Variants in C3orf18 observed in about 807,000 individuals in gnomAD.
The protein encoded by C3orf18 is chromosome 3 open reading frame 18.
Under a neutral mutation model 14.1 loss-of-function variants are expected in C3orf18, and 12 were observed. The observed-to-expected ratio is 0.85, with a 90% CI of 0.55 to 1.38. C3orf18 has a LOEUF of 1.38. Among genes scored for constraint, C3orf18 ranks in the 40% most tolerant of loss-of-function variants. C3orf18 has a pLI of 0.00. For synonymous variants in C3orf18, 82 were observed against 87.9 expected (o/e 0.93, Z 0.38); for missense variants, 196 against 213.9 (o/e 0.92, Z 0.52).
upstream of C3orf18, chr3:50,569,922 C>T (rs1344129777): frequency 6.6e-6 from 1 of 152,132 alleles, no homozygotes; most frequent in Non-Finnish European, 1.5e-5. Flanking sequence ...GCAACTTCCG[C>T]CTGCTTGAAC....
rs1041165956 is a variant in C3orf18, at chr3:50,566,019, G to A, written c.-176C>T. ...TAGGACACATACTTTACGTATCTAC[G>A]GTGCCCCTGTTTTTGGGAACAAAAA... is the stretch of plus-strand genomic sequence containing the variant. On this transcript the variant is annotated 5_prime_UTR_variant, in exon 2 of 6. Coordinates refer to ENST00000357203, the MANE Select transcript of C3orf18 (RefSeq NM_016210.5). 10 of 275,772 alleles carry A rather than the reference G, an allele frequency of 3.6e-5. No homozygotes were observed. Among genetic ancestry groups the A allele is most frequent in the Non-Finnish European group, 6.2e-5 (9 of 145,258 alleles). The allele number at this position is 275,772 out of a possible 1,614,324, so 17.1% of individuals were successfully genotyped here.
chr3:50,561,002 T>C lies in C3orf18; in HGVS notation c.323A>G (p.Asp108Gly). 1 of 1,614,146 alleles carries C rather than the reference T, an allele frequency of 6.2e-7. No individual in the cohort carries two copies. Among genetic ancestry groups the C allele is most frequent in the African/African-American group, 1.3e-5 (1 of 75,054 alleles). ...MYNFDPTEEQ[D>G]ELEQELLEHG... The stretch of plus-strand genomic sequence containing the variant: ...CTCCAGCAGCTCCTGCTCCAACTCA[T>C]CTTGTTCCTCCGTGGGGTCGAAGTT... The change falls in exon 5 of 6, where the codon GAT becomes GGT. Residue 108 changes from aspartate to glycine, a missense_variant. Physicochemically the swap from Asp to Gly is moderately conservative, Grantham distance 94. Transcript: ENST00000357203.
chr3:50,572,756 C>T (rs1235306966), upstream of C3orf18, among the ~76,000 whole-genome samples: 3 of 152,246 alleles, frequency 2.0e-5, no homozygotes, highest in Non-Finnish European at 2.9e-5. Flanking sequence ...TGTTGTCCCT[C>T]AAATTACTAG....
upstream of C3orf18, among the ~76,000 whole-genome samples, chr3:50,568,231 G>A (rs957036870): frequency 6.6e-6 from 1 of 152,054 alleles, no homozygotes; most frequent in Admixed American, 6.6e-5. Context: ...ATTTATTATT[G>A]GGCACCCCGA....
At chr3:50,562,208 T>G (rs1700020675) in intron 3 of C3orf18, among the ~76,000 whole-genome samples, 1 of 152,128 alleles carries the variant, frequency 6.6e-6, no homozygotes, top group South Asian at 2.1e-4. Flanking sequence ...CATGCCTCCT[T>G]TTGACATTGT....
In C3orf18 at chr3:50,565,403, T is replaced by C. The variant is rs1036857751; in HGVS notation, c.234+63A>G. ...TAACAACAACCAGATTGTCTTCTGA[T>C]TGATTAGGTTCTCTATAAATCTAAA... On this transcript the variant is annotated intron_variant, in intron 3 of 5. Coordinates refer to ENST00000357203, the MANE Select transcript of C3orf18 (RefSeq NM_016210.5). This position sits in a 1 kb window ranked among gnomAD's most constrained non-coding sequence, Gnocchi z 4.4. The C allele has an allele frequency of 8.2e-7, 1 of 1,221,494 alleles. No homozygotes were observed. Among genetic ancestry groups the C allele is most frequent in the Non-Finnish European group, 1.2e-6 (1 of 843,154 alleles). The allele number at this position is 1,221,494 out of a possible 1,614,324, so 75.7% of individuals were successfully genotyped here.
In C3orf18 at chr3:50,565,728, GGCT is replaced by G. The variant is rs1397049459; in HGVS notation, c.-32_-30del. The G allele has an allele frequency of 1.9e-6, 3 of 1,558,256 alleles. No homozygotes were observed. The highest frequency in any genetic ancestry group is 2.6e-6 in the Non-Finnish European group (3 of 1,143,692). On this transcript the variant is annotated 5_prime_UTR_variant, in exon 3 of 6. Transcript: ENST00000357203. This position sits in a 1 kb window ranked among gnomAD's most constrained non-coding sequence, Gnocchi z 4.4. ...GATGCGGAGAGGGCCCTGGCTGAGA[GGCT>G]GCCTGATGCCAGTCAACCTGCCCAC...
Position 50,558,898 on chromosome 3 carries a change from T to C in C3orf18, c.*759A>G. 1.6e-6 allele frequency: 2 copies of C among 1,289,480 alleles called. No individual in the cohort carries two copies. The highest frequency in any genetic ancestry group is 2.0e-6 in the Non-Finnish European group (2 of 988,708). 79.9% of individuals were successfully genotyped at this position (1,289,480 alleles called of 1,614,324 possible). A position where few individuals can be genotyped will look rare whatever the true frequency, so the allele number is the denominator to read the frequency against. ...TGCCCGCTGTGCTGGGACAGGCACATGTCTGCCCATGGGCACACTCATGCA... is the reference window on the plus strand; with the variant it reads ...TGCCCGCTGTGCTGGGACAGGCACACGTCTGCCCATGGGCACACTCATGCA... On this transcript the variant is annotated 3_prime_UTR_variant, in exon 6 of 6. Transcript: ENST00000357203.
At chr3:50,571,471 A>G (rs2107377241), upstream of C3orf18, 2 of 687,652 alleles carry the variant, frequency 2.9e-6, no homozygotes, top group South Asian at 3.7e-5. Context: ...AGCGCCTGGC[A>G]CACACTGTAA....
Position 50,559,498 on chromosome 3 carries a change from A to G in C3orf18, c.*159T>C. 1 of 1,429,688 alleles carries G rather than the reference A, an allele frequency of 7.0e-7. No individual in the cohort carries two copies. The highest frequency in any genetic ancestry group is 9.2e-7 in the Non-Finnish European group (1 of 1,089,184). The allele number at this position is 1,429,688 out of a possible 1,614,324, so 88.6% of individuals were successfully genotyped here. ...GCTAGGGCCCTCTCTTAGAGTCTAA[A>G]GTCAGCAGGTGGGTCTGGAGAACAG... On this transcript the variant is annotated 3_prime_UTR_variant, in exon 6 of 6. Transcript: ENST00000357203.
upstream of C3orf18, among the ~76,000 whole-genome samples, chr3:50,568,783 G>A (rs1700569342): frequency 6.6e-6 from 1 of 151,500 alleles, no homozygotes; most frequent in South Asian, 2.1e-4. Context: ...CAGTGTTCTA[G>A]TTAACAGTAC....
At chr3:50,568,175 G>A (rs1700484641), upstream of C3orf18, among the ~76,000 whole-genome samples, 2 of 152,170 alleles carry the variant, frequency 1.3e-5, no homozygotes, top group Non-Finnish European at 2.9e-5. Context: ...GAGGGTTCTA[G>A]ACGAAGATGG....
At chr3:50,569,737 A>T (rs1017676789), upstream of C3orf18, 2 of 152,300 alleles carry the variant, frequency 1.3e-5, no homozygotes, top group Non-Finnish European at 2.9e-5. Flanking sequence ...GGGAGTTTAC[A>T]CTTCTGACTT....
At chr3:50,561,873 C>A in intron 3 of C3orf18, 126 bp from the exon 4 acceptor site, 1 of 853,916 alleles carries the variant, frequency 1.2e-6, no homozygotes. Context: ...CCTAATGACA[C>A]ATACACCACT....
Position 50,559,372 on chromosome 3 carries a change from T to C in C3orf18, c.*285A>G. 1 of 1,326,530 alleles carries C rather than the reference T, an allele frequency of 7.5e-7. No individual in the cohort carries two copies. Among genetic ancestry groups the C allele is most frequent in the Non-Finnish European group, 9.7e-7 (1 of 1,031,728 alleles). The allele number at this position is 1,326,530 out of a possible 1,614,324, so 82.2% of individuals were successfully genotyped here. A position where few individuals can be genotyped will look rare whatever the true frequency, so the allele number is the denominator to read the frequency against. On this transcript the variant is annotated 3_prime_UTR_variant, in exon 6 of 6. Coordinates refer to ENST00000357203, the MANE Select transcript of C3orf18 (RefSeq NM_016210.5). ...TGATGTGAGGGATCTGGACAGGGGATGAGGAAGCCAGCAGAGGCTCTTGAC... is the reference window on the plus strand; with the variant it reads ...TGATGTGAGGGATCTGGACAGGGGACGAGGAAGCCAGCAGAGGCTCTTGAC...
Position 50,558,597 on chromosome 3 carries a change from C to A in C3orf18, c.*1060G>T. On this transcript the variant is annotated 3_prime_UTR_variant, in exon 6 of 6. Coordinates refer to ENST00000357203, the MANE Select transcript of C3orf18 (RefSeq NM_016210.5). ...CCCACTTTCAGGCAGTCATAACTGC[C>A]CCCTCTAGCCTGCAGCCTGTGATTA... The A allele has an allele frequency of 1.1e-6, 1 of 918,854 alleles. No homozygotes were observed. Among genetic ancestry groups the A allele is most frequent in the South Asian group, 1.7e-5 (1 of 60,558 alleles). The allele number at this position is 918,854 out of a possible 1,614,324, so 56.9% of individuals were successfully genotyped here.
chr3:50,570,017 T>A (rs1162604800), upstream of C3orf18: 1 of 152,188 alleles, frequency 6.6e-6, no homozygotes, highest in African/African-American at 2.4e-5. Context: ...ATTTTTTGTA[T>A]TTTTAGTAGA....
chr3:50,561,468 C>T (rs1201715279), intron 4 of C3orf18, among the ~76,000 whole-genome samples: 1 of 152,194 alleles, frequency 6.6e-6, no homozygotes, highest in Non-Finnish European at 1.5e-5. Context: ...AGCCTTCCCC[C>T]TCCCTGCCAT....
chr3:50,570,910 C>A, upstream of C3orf18: 1 of 485,202 alleles, frequency 2.1e-6, no homozygotes, highest in South Asian at 3.4e-5. Context: ...CACCTGCTTT[C>A]CTGGTTCCTC....
Sources: gnomAD v4.1 joint callset for allele counts (sites outside exome capture counted in the v4.1 genomes callset) on GRCh38, gnomAD v4.1.1 for gene constraint, Gnocchi (gnomAD v3.1) non-coding constraint, MANE v1.5 for transcripts, NCBI Gene and HGNC (gene_info 2026-07-23, HGNC 2026-07-21) for gene names.